The following GAS2 variants were observed in gnomAD, a reference collection of about 807,000 sequenced individuals.
GAS2 encodes the protein growth arrest-specific protein 2.
In GAS2, 20 loss-of-function variants were observed where a neutral mutation model predicts 37.5. That is an observed-to-expected ratio of 0.53 (90% CI 0.37 to 0.77). GAS2 has a LOEUF of 0.77. GAS2 is among the 30% of genes least tolerant of loss of function. The pLI, the probability that GAS2 is intolerant of heterozygous loss-of-function variation, is 0.00. For missense variants in GAS2, 336 were observed against 373.4 expected, an observed-to-expected ratio of 0.90 and a Z score of 0.82; for synonymous variants, 144 against 132.2, an observed-to-expected ratio of 1.09 and a Z score of -0.61.
At chr11:22,661,560 C>T (rs1024031557) in intron 1 of GAS2, among the ~76,000 whole-genome samples, 6 of 152,060 alleles carry the variant, frequency 3.9e-5, no homozygotes, top group Non-Finnish European at 8.8e-5. Flanking sequence ...AATATCTCTA[C>T]CAGAGAGATC....
Position 22,685,776 on chromosome 11 carries a change from A to G in GAS2, c.254A>G (p.Asn85Ser). The change falls in exon 3 of 8, where the codon AAC becomes AGC. Residue 85 changes from asparagine (N) to serine (S), a missense_variant. Asn to Ser is a conservative substitution (Grantham distance 46, BLOSUM62 1). Coordinates refer to ENST00000454584, the MANE Select transcript of GAS2 (RefSeq NM_001143830.3). ...QEKFKESMDA[N>S]KPTKNLPLKK... ...AAATTCAAGGAGAGCATGGATGCTA[A>G]CAAGCCCACAAAGGTAAAAGATCCC... 6.2e-7 allele frequency: 1 copy of G among 1,613,208 alleles called. No homozygotes were observed. The highest frequency in any genetic ancestry group is 8.5e-7 in the Non-Finnish European group (1 of 1,179,662).
At chr11:22,710,181 AAAACAAAC>A (rs370597956) in intron 3 of GAS2, among the ~76,000 whole-genome samples, 3 of 152,034 alleles carry the variant, frequency 2.0e-5, no homozygotes, top group Non-Finnish European at 2.9e-5. Flanking sequence ...AAAAAAGGAA[AAAACAAAC>A]AAACAAACAA....
At chr11:22,651,165 C>T (rs1354506981) in intron 1 of GAS2, among the ~76,000 whole-genome samples, 1 of 151,082 alleles carries the variant, frequency 6.6e-6, no homozygotes, top group African/African-American at 2.4e-5. Context: ...TTTTATTTCT[C>T]CTTCACTTAT....
At chr11:22,643,995 A>C (rs1480100278) in intron 1 of GAS2, among the ~76,000 whole-genome samples, 2 of 152,124 alleles carry the variant, frequency 1.3e-5, no homozygotes, top group East Asian at 3.8e-4. Context: ...TTCCAGACAT[A>C]CAACCCAAAA....
intron 1 of GAS2, chr11:22,672,800 T>G (rs1272957139): frequency 7.4e-6 from 1 of 135,014 alleles, no homozygotes; most frequent in Non-Finnish European, 1.6e-5. Context: ...GTTTTGTTTT[T>G]CTAGGACTAG....
At chr11:22,722,964 A>C (rs1044580367) in intron 3 of GAS2, among the ~76,000 whole-genome samples, 1 of 151,896 alleles carries the variant, frequency 6.6e-6, no homozygotes, top group African/African-American at 2.4e-5. Flanking sequence ...TTCCATAAAC[A>C]TATCAGGTGA....
intron 1 of GAS2, among the ~76,000 whole-genome samples, chr11:22,644,369 T>A (rs1848664143): frequency 6.6e-6 from 1 of 152,148 alleles, no homozygotes; most frequent in South Asian, 2.1e-4. Context: ...GGCATTTTGT[T>A]AGAATGTAAA....
chr11:22,779,539 A>C (rs1391537091), intron 7 of GAS2, among the ~76,000 whole-genome samples: 1 of 152,110 alleles, frequency 6.6e-6, no homozygotes, highest in Admixed American at 6.5e-5. Context: ...CTCTACTAAA[A>C]ATATAAAAAT....
intron 3 of GAS2, among the ~76,000 whole-genome samples, chr11:22,714,310 C>G (rs1043764711): frequency 7.2e-5 from 11 of 151,964 alleles, no homozygotes; most frequent in African/African-American, 2.7e-4. Context: ...AAGGATTAGT[C>G]CAACAGGAAA....
intron 1 of GAS2, among the ~76,000 whole-genome samples, chr11:22,672,044 T>C (rs946064437): frequency 6.6e-6 from 1 of 152,188 alleles, no homozygotes; most frequent in Non-Finnish European, 1.5e-5. Flanking sequence ...AAGAAGGGGC[T>C]TAAACAGAAG....
chr11:22,806,375 T>C (rs1260165295), intron 7 of GAS2, among the ~76,000 whole-genome samples: 1 of 152,186 alleles, frequency 6.6e-6, no homozygotes, highest in Non-Finnish European at 1.5e-5. Flanking sequence ...TGACGCCATA[T>C]CTTGGCTATT....
At chr11:22,744,811 C>G (rs1036990239) in intron 5 of GAS2, among the ~76,000 whole-genome samples, 1 of 151,904 alleles carries the variant, frequency 6.6e-6, no homozygotes, top group Admixed American at 6.6e-5. Context: ...CTAGCCAGAG[C>G]GATCAGGCAA....
intron 1 of GAS2, among the ~76,000 whole-genome samples, chr11:22,648,630 G>A (rs1448011621): frequency 6.6e-6 from 1 of 152,084 alleles, no homozygotes; most frequent in East Asian, 1.9e-4. Flanking sequence ...TCCTTGAAGA[G>A]GTCCTTCACA....
At chr11:22,695,942 A>T (rs1414975136) in intron 3 of GAS2, among the ~76,000 whole-genome samples, 1 of 151,930 alleles carries the variant, frequency 6.6e-6, no homozygotes, top group Non-Finnish European at 1.5e-5. Flanking sequence ...TTGTTTTTTT[A>T]AATTTTATTA....
intron 7 of GAS2, among the ~76,000 whole-genome samples, chr11:22,762,200 T>C (rs1054389288): frequency 1.3e-5 from 2 of 152,206 alleles, no homozygotes; most frequent in African/African-American, 4.8e-5. Flanking sequence ...TTAATTTGTT[T>C]TCATTTTTAC....
At chr11:22,630,739 C>G (rs544129649) in intron 1 of GAS2, among the ~76,000 whole-genome samples, 5 of 152,186 alleles carry the variant, frequency 3.3e-5, no homozygotes, top group Non-Finnish European at 7.3e-5. Context: ...CAGTGTCATG[C>G]TGCTTTGCTT....
At chr11:22,669,087 A>G (rs1216936079) in intron 1 of GAS2, among the ~76,000 whole-genome samples, 2 of 152,350 alleles carry the variant, frequency 1.3e-5, no homozygotes, top group East Asian at 3.9e-4. Context: ...ATGTGAGACC[A>G]TGTCACATAT....
intron 7 of GAS2, among the ~76,000 whole-genome samples, chr11:22,783,401 A>T (rs1855664287): frequency 1.3e-5 from 2 of 152,242 alleles, no homozygotes; most frequent in Admixed American, 1.3e-4. Flanking sequence ...ATGTCTGTTT[A>T]CTTCCTTGAT....
intron 6 of GAS2, among the ~76,000 whole-genome samples, chr11:22,752,615 T>C (rs1400323488): frequency 6.6e-6 from 1 of 150,882 alleles, no homozygotes; most frequent in Non-Finnish European, 1.5e-5. Flanking sequence ...AATTTTACTC[T>C]GGGAAAGCTA....
Sources: gnomAD v4.1 joint callset for allele counts (sites outside exome capture counted in the v4.1 genomes callset) on GRCh38, gnomAD v4.1.1 for gene constraint, MANE v1.5 for transcripts, NCBI Gene and HGNC (gene_info 2026-07-23, HGNC 2026-07-21) for gene names.